The following MEIS2 variants were observed in gnomAD, a reference collection of about 807,000 sequenced individuals.
MEIS2 encodes the protein homeobox protein Meis2.
A neutral mutation model predicts 58.6 loss-of-function variants in MEIS2; 9 were observed. That is an observed-to-expected ratio of 0.15 (90% CI 0.09 to 0.27). MEIS2 has a LOEUF of 0.27. Among genes scored for constraint, MEIS2 ranks in the 10% least tolerant of loss-of-function variants. The pLI, the probability that MEIS2 is intolerant of heterozygous loss-of-function variation, is 1.00. For synonymous variants in MEIS2, 221 were observed against 228.4 expected, an observed-to-expected ratio of 0.97 and a Z score of 0.29; for missense variants, 427 against 635.0, an observed-to-expected ratio of 0.67 and a Z score of 3.52.
Position 37,098,163 on chromosome 15 carries a change from C to G in MEIS2, c.49G>C (p.Val17Leu). ...CCGTACATGGAAGCGGGAACCCCTA[C>G]TCCGTCCATCCCGCCGTAATGGGGC... Reference protein sequence around the residue: ...ELPHYGGMDGVGVPASMYGDP... With the variant: ...ELPHYGGMDGLGVPASMYGDP... The change falls in exon 2 of 12, where the codon GTA becomes CTA. Residue 17 changes from valine (V) to leucine (L), a missense_variant. Around this residue, in one of 6 missense-constraint regions of MEIS2, gnomAD observed 103 missense variants for 111.8 expected, o/e 0.92. Transcript: ENST00000561208. 1 of 1,606,366 alleles carries G rather than the reference C, an allele frequency of 6.2e-7. No homozygotes were observed.
At chr15:36,920,916 G>A (rs1281022990) in intron 9 of MEIS2, among the ~76,000 whole-genome samples, 3 of 152,214 alleles carry the variant, frequency 2.0e-5, no homozygotes, top group South Asian at 2.1e-4. Flanking sequence ...CAGCGCTCAC[G>A]GCCGGGAGGT....
chr15:36,994,854 C>T (rs933749542), intron 8 of MEIS2, among the ~76,000 whole-genome samples: 22 of 152,292 alleles, frequency 1.4e-4, no homozygotes, highest in African/African-American at 5.1e-4. Flanking sequence ...CCATCATGGA[C>T]GTTGAACACT....
intron 7 of MEIS2, among the ~76,000 whole-genome samples, chr15:37,074,634 A>T (rs1215129474): frequency 6.6e-6 from 1 of 152,026 alleles, no homozygotes; most frequent in Non-Finnish European, 1.5e-5. Context: ...GAAGAGAGAG[A>T]GTAATAAAGG....
intron 7 of MEIS2, 75 bp downstream of exon 7, chr15:37,083,696 T>G: frequency 8.3e-7 from 1 of 1,206,900 alleles, no homozygotes; most frequent in Admixed American, 1.9e-5. Flanking sequence ...TGGCGGCAGA[T>G]GTACTGATAT....
At chr15:36,967,394 T>C (rs557103540) in intron 8 of MEIS2, among the ~76,000 whole-genome samples, 1 of 152,286 alleles carries the variant, frequency 6.6e-6, no homozygotes, top group Non-Finnish European at 1.5e-5. Context: ...ATTAGGACAG[T>C]GTCCTTTGCA....
intron 9 of MEIS2, among the ~76,000 whole-genome samples, chr15:36,939,551 T>G (rs1337107068): frequency 6.6e-6 from 1 of 152,278 alleles, no homozygotes; most frequent in Non-Finnish European, 1.5e-5. Flanking sequence ...TCCTTATTTT[T>G]TTTTTTTAAT....
At chr15:36,991,813 A>G (rs2060299481) in intron 8 of MEIS2, among the ~76,000 whole-genome samples, 1 of 92,152 alleles carries the variant, frequency 1.1e-5, no homozygotes, top group South Asian at 4.5e-4. Flanking sequence ...TTTGAGACGG[A>G]GTCTCGCTCT....
intron 9 of MEIS2, among the ~76,000 whole-genome samples, chr15:36,918,227 G>A (rs1378607529): frequency 1.3e-5 from 2 of 152,196 alleles, no homozygotes; most frequent in Non-Finnish European, 2.9e-5. Flanking sequence ...TAAGTTTTGT[G>A]TGATGAAAGA....
At position 36,999,078 on chromosome 15, in the gene MEIS2, G is replaced by C. The variant is rs372163469; in HGVS notation, c.900+37736C>G. Among the ~76,000 whole-genome samples, 4 of 152,112 alleles carry C rather than the reference G, an allele frequency of 2.6e-5. No homozygotes were observed. In the East Asian group the frequency reaches 5.8e-4, roughly 22 times the overall value. ...TCAATTCATCATTTTGAAAATAATT[G>C]CGTATAACTGGCCTGAAGACAAAGC... On this transcript the variant is annotated intron_variant, in intron 8 of 11. Transcript: ENST00000561208.
rs1305309548 is a variant in MEIS2 at position 36,942,878 on chromosome 15, C to CA, written c.977+7445dup. Among the ~76,000 whole-genome samples, 4 of 152,094 alleles carry CA rather than the reference C, an allele frequency of 2.6e-5. No homozygotes were observed. In the East Asian group the frequency reaches 7.8e-4, roughly 29 times the overall value. ...GAGTAAAAAAATTAGAGAAAGTAAA[C>CA]AATATGATATTGGTATATTCTGATC... On this transcript the variant is annotated intron_variant, in intron 9 of 11. Transcript: ENST00000561208.
intron 11 of MEIS2, among the ~76,000 whole-genome samples, chr15:36,893,179 G>A (rs1215826880): frequency 2.0e-5 from 3 of 152,194 alleles, no homozygotes; most frequent in Non-Finnish European, 4.4e-5. Flanking sequence ...AAAGTTATGA[G>A]TTAAATGGTG....
intron 7 of MEIS2, among the ~76,000 whole-genome samples, chr15:37,057,374 C>T (rs756305660): frequency 3.3e-5 from 5 of 152,098 alleles, no homozygotes; most frequent in Admixed American, 6.5e-5. Context: ...TTAGTCAGGC[C>T]ATGTGGAGCT....
chr15:37,038,169 A>G (rs561575201), intron 7 of MEIS2, among the ~76,000 whole-genome samples: 2 of 152,344 alleles, frequency 1.3e-5, no homozygotes, highest in South Asian at 4.1e-4. Flanking sequence ...TCCCATGCTA[A>G]GTAAAAACCT....
intron 8 of MEIS2, among the ~76,000 whole-genome samples, chr15:37,019,066 G>A (rs1034160890): frequency 5.3e-5 from 8 of 151,154 alleles, no homozygotes; most frequent in African/African-American, 1.9e-4. Flanking sequence ...GGAATGAGAA[G>A]AGAAAAAGTA....
intron 7 of MEIS2, among the ~76,000 whole-genome samples, chr15:37,054,366 C>T (rs1470605706): frequency 6.6e-6 from 1 of 152,064 alleles, no homozygotes; most frequent in Non-Finnish European, 1.5e-5. Context: ...GAAAACTTGC[C>T]AATGAAAAAT....
At chr15:37,025,149 C>G (rs900365479) in intron 8 of MEIS2, among the ~76,000 whole-genome samples, 2 of 152,166 alleles carry the variant, frequency 1.3e-5, no homozygotes, top group African/African-American at 4.8e-5. Flanking sequence ...CACTCACATC[C>G]AAGTTCAGGT....
At chr15:36,936,965 T>A (rs1567076285) in intron 9 of MEIS2, among the ~76,000 whole-genome samples, 1 of 152,230 alleles carries the variant, frequency 6.6e-6, no homozygotes, top group Non-Finnish European at 1.5e-5. Context: ...AATATGCTTA[T>A]TTTTGAAAGA....
At chr15:37,021,876 A>G (rs1351716189) in intron 8 of MEIS2, among the ~76,000 whole-genome samples, 1 of 152,174 alleles carries the variant, frequency 6.6e-6, no homozygotes, top group Admixed American at 6.5e-5. Context: ...TTAAAATTAT[A>G]TCATAAATAC....
intron 7 of MEIS2, among the ~76,000 whole-genome samples, chr15:37,047,950 C>G (rs189838802): frequency 6.6e-6 from 1 of 152,290 alleles, no homozygotes; most frequent in Non-Finnish European, 1.5e-5. Flanking sequence ...AAAATATTGT[C>G]ACACAAAATG....
Sources: allele counts gnomAD v4.1 joint callset (sites outside exome capture counted in the v4.1 genomes callset), GRCh38; gene constraint gnomAD v4.1.1; regional missense constraint gnomAD v4.1.1; transcripts MANE v1.5; gene names NCBI Gene and HGNC (gene_info 2026-07-23, HGNC 2026-07-21).